Variants in BMPR1B observed in about 807,000 individuals in gnomAD.
BMPR1B encodes the protein bone morphogenetic protein receptor type 1B, also known as bone morphogenetic protein receptor type-1B.
Under a neutral mutation model 59.1 loss-of-function variants are expected in BMPR1B, and 12 were observed. The ratio of observed to expected loss-of-function variants is 0.20; its 90% CI spans 0.13 to 0.33. The LOEUF is 0.33. Among genes scored for constraint, BMPR1B ranks in the 10% least tolerant of loss-of-function variants. The pLI is 1.00. For synonymous variants in BMPR1B, 237 were observed against 207.3 expected (o/e 1.14, Z -1.23); for missense variants, 550 against 610.9 (o/e 0.90, Z 1.05).
intron 1 of BMPR1B, among the ~76,000 whole-genome samples, chr4:94,801,064 G>A (rs1406637096): frequency 6.6e-6 from 1 of 152,186 alleles, no homozygotes; most frequent in East Asian, 1.9e-4. Flanking sequence ...TAGACCTAGA[G>A]CAGAGAATGA....
At chr4:94,769,173 T>C (rs968557544) in intron 1 of BMPR1B, among the ~76,000 whole-genome samples, 6 of 152,216 alleles carry the variant, frequency 3.9e-5, no homozygotes, top group Non-Finnish European at 2.9e-5. Context: ...TTAACAATAA[T>C]ATTTTACATC....
intron 3 of BMPR1B, among the ~76,000 whole-genome samples, chr4:95,000,504 C>T (rs923726069): frequency 2.7e-5 from 4 of 149,484 alleles, no homozygotes; most frequent in African/African-American, 9.9e-5. Context: ...GACTCCATAT[C>T]GAAAGAAAGA....
At chr4:95,041,126 A>C (rs980486981) in intron 3 of BMPR1B, among the ~76,000 whole-genome samples, 3 of 152,172 alleles carry the variant, frequency 2.0e-5, no homozygotes, top group Admixed American at 1.3e-4. Context: ...GGCTCCCTGC[A>C]GCCTTAACCT....
At chr4:95,104,246 A>T in intron 3 of BMPR1B, 162 bp from the exon 4 acceptor site, 1 of 808,784 alleles carries the variant, frequency 1.2e-6, no homozygotes, top group Non-Finnish European at 1.9e-6. Context: ...ACTAGGTAAA[A>T]GACATGATTT....
chr4:94,810,573 C>T (rs1286467021), intron 1 of BMPR1B, among the ~76,000 whole-genome samples: 2 of 152,156 alleles, frequency 1.3e-5, no homozygotes, highest in East Asian at 3.9e-4. Context: ...CATTTCATCA[C>T]ACAGACAAAG....
At chr4:94,879,993 G>T (rs1726894795) in intron 2 of BMPR1B, among the ~76,000 whole-genome samples, 1 of 152,126 alleles carries the variant, frequency 6.6e-6, no homozygotes, top group Non-Finnish European at 1.5e-5. Flanking sequence ...GTATCTAAGA[G>T]AAGTGATTAT....
At chr4:95,090,516 T>G (rs2149247707) in intron 3 of BMPR1B, among the ~76,000 whole-genome samples, 1 of 152,140 alleles carries the variant, frequency 6.6e-6, no homozygotes, top group Admixed American at 6.6e-5. Context: ...AGAGTGAACC[T>G]TTGGTGTGAG....
intron 1 of BMPR1B, among the ~76,000 whole-genome samples, chr4:94,868,102 G>C (rs1726321034): frequency 6.6e-6 from 1 of 151,272 alleles, no homozygotes; most frequent in Non-Finnish European, 1.5e-5. Context: ...GGCTCAAGCA[G>C]TTCTCTTGCC....
intron 1 of BMPR1B, among the ~76,000 whole-genome samples, chr4:94,783,105 C>A (rs1262996743): frequency 6.6e-6 from 1 of 152,096 alleles, no homozygotes; most frequent in Non-Finnish European, 1.5e-5. Flanking sequence ...GGTCTCTTTC[C>A]CTTATATCTT....
chr4:95,131,127 T>A (rs558949582), intron 9 of BMPR1B, 88 bp from the exon 10 acceptor site: 1 of 1,371,124 alleles, frequency 7.3e-7, no homozygotes, highest in African/African-American at 1.4e-5. Context: ...ACAAAAATTA[T>A]CTATGACAAA....
intron 4 of BMPR1B, among the ~76,000 whole-genome samples, chr4:95,106,539 C>G (rs1018707967): frequency 1.3e-5 from 2 of 151,864 alleles, no homozygotes; most frequent in Admixed American, 6.6e-5. Context: ...GGAGGACAAC[C>G]AGAGAGGCTT....
chr4:94,808,414 A>G (rs1723690243), intron 1 of BMPR1B, among the ~76,000 whole-genome samples: 1 of 152,216 alleles, frequency 6.6e-6, no homozygotes, highest in Admixed American at 6.5e-5. Flanking sequence ...TTTAATGGCT[A>G]CTGAATGTTA....
At chr4:94,865,018 T>C (rs1386760648) in intron 1 of BMPR1B, among the ~76,000 whole-genome samples, 1 of 152,244 alleles carries the variant, frequency 6.6e-6, no homozygotes, top group Admixed American at 6.5e-5. Flanking sequence ...TTCTTTCTTT[T>C]TTTTTTTCTG....
chr4:94,934,452 G>GTTTT, intron 2 of BMPR1B, among the ~76,000 whole-genome samples: 1 of 69,690 alleles, frequency 1.4e-5, no homozygotes, highest in African/African-American at 9.1e-5. Flanking sequence ...TCCCAGCTAT[G>GTTTT]GTTTTTTTTT....
chr4:94,919,676 C>A (rs565463630), intron 2 of BMPR1B, among the ~76,000 whole-genome samples: 2 of 152,302 alleles, frequency 1.3e-5, no homozygotes, highest in South Asian at 4.1e-4. Flanking sequence ...GGCCTTCTTT[C>A]TTCCTGCATG....
chr4:94,928,739 T>C (rs1400821500), intron 2 of BMPR1B, among the ~76,000 whole-genome samples: 1 of 152,102 alleles, frequency 6.6e-6, no homozygotes, highest in Non-Finnish European at 1.5e-5. Flanking sequence ...CTCATTGGTC[T>C]TTGGTTCATA....
intron 3 of BMPR1B, among the ~76,000 whole-genome samples, chr4:95,026,886 A>T (rs1489022652): frequency 1.3e-5 from 2 of 151,620 alleles, no homozygotes; most frequent in African/African-American, 4.8e-5. Flanking sequence ...TCAGCCTCCC[A>T]AGTAGCTGGG....
At chr4:94,769,295 C>T (rs1461724939) in intron 1 of BMPR1B, among the ~76,000 whole-genome samples, 1 of 152,202 alleles carries the variant, frequency 6.6e-6, no homozygotes, top group African/African-American at 2.4e-5. Flanking sequence ...TCTAGTCCTG[C>T]TCTAAAGAGA....
chr4:95,137,789 C>T (rs1418673240), intron 10 of BMPR1B, among the ~76,000 whole-genome samples: 2 of 152,122 alleles, frequency 1.3e-5, no homozygotes, highest in Non-Finnish European at 2.9e-5. Context: ...TTATTTTGAG[C>T]CTATGTGTGT....
Sources: gnomAD v4.1 joint callset for allele counts (sites outside exome capture counted in the v4.1 genomes callset) on GRCh38, gnomAD v4.1.1 for gene constraint, MANE v1.5 for transcripts, NCBI Gene and HGNC (gene_info 2026-07-23, HGNC 2026-07-21) for gene names.